RPL31: variants seen among roughly 807,000 people sequenced by gnomAD.
The protein encoded by RPL31 is ribosomal protein L31, also known as large ribosomal subunit protein eL31.
For synonymous variants in RPL31, 51 were observed against 55.0 expected, an observed-to-expected ratio of 0.93 and a Z score of 0.32; for missense variants, 95 against 164.0, an observed-to-expected ratio of 0.58 and a Z score of 2.30.
At chr2:101,007,802 C>T, downstream of RPL31, 2 of 1,608,062 alleles carry the variant, frequency 1.2e-6, no homozygotes, top group Non-Finnish European at 1.7e-6. Context: ...CTCCAGTGTG[C>T]ATAGCAGCTG....
downstream of RPL31, among the ~76,000 whole-genome samples, chr2:101,008,749 T>C (rs1278274115): frequency 6.6e-6 from 1 of 151,430 alleles, no homozygotes; most frequent in East Asian, 2.0e-4. Flanking sequence ...GAGGCAAAGG[T>C]TGTGGTAGTC....
intron 4 of RPL31, among the ~76,000 whole-genome samples, chr2:101,013,118 A>G (rs541314685): frequency 4.3e-4 from 66 of 152,326 alleles, no homozygotes; most frequent in African/African-American, 1.6e-3. Context: ...GGGGTGGGCA[A>G]GTGTCCAGAA....
chr2:101,013,517 G>A (rs567953270), intron 4 of RPL31, among the ~76,000 whole-genome samples: 1 of 152,154 alleles, frequency 6.6e-6, no homozygotes. Flanking sequence ...GTTAAAATAA[G>A]ATAAAGGATT....
intron 3 of RPL31, chr2:101,004,869 C>G (rs566894958): frequency 1.3e-5 from 2 of 152,586 alleles, no homozygotes; most frequent in African/African-American, 4.8e-5. Flanking sequence ...AACCAGAAAG[C>G]AGGGGAGGCT....
chr2:101,006,187 A>T, intron 4 of RPL31, 116 bp downstream of exon 4: 1 of 1,511,148 alleles, frequency 6.6e-7, no homozygotes. Context: ...CCCTTTTTAA[A>T]TTGTTGGTGT....
rs1246166128 is a variant in RPL31 at position 101,006,267 on chromosome 2, C to T, written c.347-83C>T. The T allele has an allele frequency of 1.9e-6, 3 of 1,568,804 alleles. No individual in the cohort carries two copies. The Admixed American group carries it at 5.8e-5, about 30-fold the overall frequency. On this transcript the variant is annotated intron_variant, in intron 4 of 4. Coordinates refer to ENST00000264258, the MANE Select transcript of RPL31 (RefSeq NM_000993.5). Reference sequence around the variant, plus strand: ...AAAAAGGTTGTGGAAAATAGAATGCCCAGACCCGTCTACAAAAGGTTTTTA... The same window carrying T: ...AAAAAGGTTGTGGAAAATAGAATGCTCAGACCCGTCTACAAAAGGTTTTTA...
chr2:101,005,864 A>G, intron 3 of RPL31, 95 bp from the exon 4 acceptor site: 6 of 1,050,600 alleles, frequency 5.7e-6, no homozygotes, highest in African/African-American at 1.6e-5. Context: ...AAAGGACAGC[A>G]TTAGAAGCAG....
At chr2:101,006,298 G>C in intron 4 of RPL31, 52 bp from the exon 5 acceptor site, 1 of 1,588,906 alleles carries the variant, frequency 6.3e-7, no homozygotes, top group South Asian at 1.2e-5. Flanking sequence ...TTTTAGAGTT[G>C]AAATATGAAA....
At chr2:101,017,955 T>A in intron 4 of RPL31, 1 of 1,549,268 alleles carries the variant, frequency 6.5e-7, no homozygotes, top group Non-Finnish European at 8.7e-7. Context: ...CTCTACTTGG[T>A]GAAAAGTCAT....
chr2:101,004,394 T>C, intron 3 of RPL31, 111 bp downstream of exon 3: 1 of 913,802 alleles, frequency 1.1e-6, no homozygotes, highest in Non-Finnish European at 1.6e-6. Context: ...TGTGGAAGTA[T>C]AAAAAAAAAA....
downstream of RPL31, chr2:101,011,012 A>G: frequency 2.5e-6 from 4 of 1,612,590 alleles, no homozygotes; most frequent in Non-Finnish European, 3.4e-6. Flanking sequence ...TGTTTCTGAT[A>G]ATCAACTGCA....
intron 2 of RPL31, among the ~76,000 whole-genome samples, chr2:101,003,009 C>T (rs1341768010): frequency 6.6e-6 from 1 of 152,190 alleles, no homozygotes; most frequent in Non-Finnish European, 1.5e-5. Context: ...TCTGACCGCC[C>T]CCATTATTCT....
At chr2:101,007,725 G>GTAGAC (rs1678835059), downstream of RPL31, 1 of 1,296,374 alleles carries the variant, frequency 7.7e-7, no homozygotes, top group Non-Finnish European at 1.1e-6. Flanking sequence ...CATTGGTAAG[G>GTAGAC]TAGACTGAAA....
At chr2:101,004,013 G>A (rs1446322988) in intron 2 of RPL31, 145 bp from the exon 3 acceptor site, 3 of 828,182 alleles carry the variant, frequency 3.6e-6, no homozygotes, top group Non-Finnish European at 5.7e-6. Flanking sequence ...CTGGCCTACT[G>A]TATGCTGTAA....
At chr2:101,007,750 T>G (rs915202504), downstream of RPL31, 5 of 1,493,566 alleles carry the variant, frequency 3.3e-6, no homozygotes, top group African/African-American at 5.5e-5. Context: ...GGTTTAGGGC[T>G]GACCCCAAGA....
Position 101,006,589 on chromosome 2 carries a change from C to G in RPL31, c.*208C>G, listed in dbSNP as rs561502560. Reference sequence around the variant, plus strand: ...GCAACCTAGTTTTAGAACCACTGTTCTGGGTAGTTGGGATACTGAAGGCAT... The same window carrying G: ...GCAACCTAGTTTTAGAACCACTGTTGTGGGTAGTTGGGATACTGAAGGCAT... On this transcript the variant is annotated 3_prime_UTR_variant, in exon 5 of 5. Transcript: ENST00000264258. 8.0e-6 allele frequency: 4 copies of G among 496,992 alleles called. No homozygotes were observed. The highest frequency in any genetic ancestry group is 7.9e-5 in the Admixed American group (2 of 25,392). The allele number at this position is 496,992 out of a possible 1,614,324, so 30.8% of individuals were successfully genotyped here.
chr2:101,006,798 C>A lies in RPL31; in HGVS notation c.*417C>A, dbSNP rs769415080. ...TAATGAAATTAATGTGGCAGTAGGT[C>A]TTTTAAGCTTCTGCCTACATCCATA... On this transcript the variant is annotated 3_prime_UTR_variant, in exon 5 of 5. Coordinates refer to ENST00000264258, the MANE Select transcript of RPL31 (RefSeq NM_000993.5). The A allele has an allele frequency of 2.4e-4, 38 of 160,614 alleles. No individual in the cohort carries two copies. Among genetic ancestry groups the A allele is most frequent in the Non-Finnish European group, 4.7e-4 (35 of 74,072 alleles). 9.9% of individuals were successfully genotyped at this position (160,614 alleles called of 1,614,324 possible). A position where few individuals can be genotyped will look rare whatever the true frequency, so the allele number is the denominator to read the frequency against.
intron 4 of RPL31, among the ~76,000 whole-genome samples, chr2:101,012,704 G>C (rs1030409069): frequency 1.3e-5 from 2 of 152,028 alleles, no homozygotes; most frequent in Non-Finnish European, 2.9e-5. Flanking sequence ...CAATAAAGCT[G>C]CTACAAAATA....
chr2:101,012,134 C>T (rs1679262008), downstream of RPL31, among the ~76,000 whole-genome samples: 1 of 152,142 alleles, frequency 6.6e-6, no homozygotes, highest in Non-Finnish European at 1.5e-5. Context: ...ACTGGCTCAG[C>T]CACTTTAGTA....
Sources: gnomAD v4.1 joint callset for allele counts (sites outside exome capture counted in the v4.1 genomes callset) on GRCh38, gnomAD v4.1.1 for gene constraint, MANE v1.5 for transcripts, NCBI Gene and HGNC (gene_info 2026-07-23, HGNC 2026-07-21) for gene names.